The following SUGP2 variants were observed in gnomAD, a reference collection of about 807,000 sequenced individuals.
SUGP2 encodes SURP and G-patch domain-containing protein 2.
Under a neutral mutation model 90.5 loss-of-function variants are expected in SUGP2, and 24 were observed. That is an observed-to-expected ratio of 0.27 (90% CI 0.19 to 0.37). The LOEUF is 0.37. SUGP2 is among the 10% of genes least tolerant of loss of function. The pLI is 1.00. For missense variants in SUGP2, 1,233 were observed against 1,363.3 expected, an observed-to-expected ratio of 0.90 and a Z score of 1.51; for synonymous variants, 473 against 513.4, an observed-to-expected ratio of 0.92 and a Z score of 1.06.
In SUGP2 at chr19:18,991,396, G is replaced by A. The variant is rs2057355080; in HGVS notation, c.*2345C>T. The A allele has an allele frequency of 6.6e-6, 1 of 152,274 alleles. No individual in the cohort carries two copies. The highest frequency in any genetic ancestry group is 6.5e-5 in the Admixed American group (1 of 15,282). The allele number at this position is 152,274 out of a possible 1,614,324, so 9.4% of individuals were successfully genotyped here. A position where few individuals can be genotyped will look rare whatever the true frequency, so the allele number is the denominator to read the frequency against. On this transcript the variant is annotated 3_prime_UTR_variant, in exon 11 of 11. Transcript: ENST00000452918. ...CCCCAGCGCTGAATCCACAGGAGAG[G>A]TGTCCTCTGAGAGTGTAGGGGGCTT...
intron 4 of SUGP2, among the ~76,000 whole-genome samples, chr19:19,013,573 C>T (rs888523916): frequency 2.0e-5 from 3 of 152,258 alleles, no homozygotes; most frequent in African/African-American, 7.2e-5. Context: ...TGCACACCTA[C>T]CTCCCTCCTT....
In SUGP2 at chr19:19,024,702, G is replaced by C; in HGVS notation, c.1646C>G (p.Pro549Arg). Reference sequence around the variant, plus strand: ...TTTCTCCTCCTCTCGCATCGGCTCTGGTTCGGCTTTCTTAACCTGGAGGGG... The same window carrying C: ...TTTCTCCTCCTCTCGCATCGGCTCTCGTTCGGCTTTCTTAACCTGGAGGGG... ...GCPLQVKKAE[P>R]EPMREEEKMI... The change falls in exon 3 of 11, where the codon CCA becomes CGA. Residue 549 changes from proline to arginine, a missense_variant. Pro to Arg is a moderately radical substitution (Grantham distance 103, BLOSUM62 -2). Around this residue, in one of 8 missense-constraint regions of SUGP2, gnomAD observed 540 missense variants for 542.6 expected, o/e 1.00. Coordinates refer to ENST00000452918, the MANE Select transcript of SUGP2 (RefSeq NM_001017392.5). The C allele has an allele frequency of 6.2e-7, 1 of 1,614,196 alleles. No homozygotes were observed. The highest frequency in any genetic ancestry group is 2.2e-5 in the East Asian group (1 of 44,882).
At chr19:19,012,548 C>T (rs1382960249) in intron 4 of SUGP2, among the ~76,000 whole-genome samples, 1 of 152,212 alleles carries the variant, frequency 6.6e-6, no homozygotes, top group Non-Finnish European at 1.5e-5. Context: ...CACTTATTAG[C>T]TGGGAACCTT....
Position 19,010,043 on chromosome 19 carries a change from G to T in SUGP2, c.2150C>A (p.Ala717Asp). 1 of 1,614,064 alleles carries T rather than the reference G, an allele frequency of 6.2e-7. No individual in the cohort carries two copies. ...TGGTTTTGCCTGTGAGAGGCCTGGA[G>T]CCTGCCGGCCGTGGTGTTTCAGCCT... Reference protein sequence around the residue: ...GTRLKHHGRQAPGLSQAKPSL... With the variant: ...GTRLKHHGRQDPGLSQAKPSL... Residue 717 changes from alanine to aspartate, a missense_variant, in exon 5 of 11, where the codon GCT becomes GAT. Physicochemically the swap from Ala to Asp is moderately radical, Grantham distance 126 (BLOSUM62 -2). Transcript: ENST00000452918.
rs200312727 is a variant in SUGP2, at chr19:19,010,191, G to T, written c.2002C>A (p.Arg668Ser). The part of the protein sequence containing the change: ...VRAMLYSRAV[R>S]NLKKKLLPWQ... ...GGAAGGAGTTTCTTCTTGAGGTTGC[G>T]GACAGCCCGGGAGTACAGCATGGCC... The change falls in exon 5 of 11, where the codon CGC (arginine) becomes AGC (serine). Residue 668 changes from arginine to serine, a missense_variant. Arg to Ser is a moderately radical substitution (Grantham distance 110, BLOSUM62 -1). Around this residue, in one of 8 missense-constraint regions of SUGP2, gnomAD observed 540 missense variants for 542.6 expected, o/e 1.00. Coordinates refer to ENST00000452918, the MANE Select transcript of SUGP2 (RefSeq NM_001017392.5). 6.2e-7 allele frequency: 1 copy of T among 1,613,902 alleles called. No homozygotes were observed.
chr19:19,026,239 ATCC>A lies in SUGP2; in HGVS notation c.122-16_122-14del. On this transcript the variant is annotated splice_polypyrimidine_tract_variant and intron_variant, in intron 2 of 10. Transcript: ENST00000452918. ...GCCCTTAAGAGATCTGAAATAAACC[ATCC>A]AAAAAAAAAAAAGAAGAAGCCAAAA... is the stretch of plus-strand genomic sequence containing the variant. 6.7e-7 allele frequency: 1 copy of A among 1,484,176 alleles called. No individual in the cohort carries two copies. Among genetic ancestry groups the A allele is most frequent in the Non-Finnish European group, 8.9e-7 (1 of 1,123,992 alleles). 91.9% of individuals were successfully genotyped at this position (1,484,176 alleles called of 1,614,324 possible). A position where few individuals can be genotyped will look rare whatever the true frequency, so the allele number is the denominator to read the frequency against.
chr19:18,995,762 G>A (rs190312377), intron 8 of SUGP2, among the ~76,000 whole-genome samples: 122 of 152,222 alleles, frequency 8.0e-4, no homozygotes, highest in African/African-American at 2.7e-3. Context: ...ACCCCTCCCC[G>A]AGTGCTTCAT....
At chr19:18,994,860 A>T (rs1356044063) in intron 9 of SUGP2, 1 of 561,516 alleles carries the variant, frequency 1.8e-6, no homozygotes, top group African/African-American at 1.9e-5. Flanking sequence ...TTCCAGACGG[A>T]AACTACACAG....
rs529857678 is a variant in SUGP2, at chr19:19,023,818, TAGG to T, written c.1729+798_1729+800del. On this transcript the variant is annotated intron_variant, in intron 3 of 10. Coordinates refer to ENST00000452918, the MANE Select transcript of SUGP2 (RefSeq NM_001017392.5). ...CTGAGGCGGAAGGATCACTTGAGCC[TAGG>T]AGGTCGGGGCTGCAGTGAGCCATGG... Among the ~76,000 whole-genome samples, 683 of 151,948 alleles carry T rather than the reference TAGG, an allele frequency of 4.5e-3. 7 individuals are homozygous for T. Among genetic ancestry groups the T allele is most frequent in the African/African-American group, 0.016 (658 of 41,440 alleles).
chr19:19,006,141 ACC>A (rs1401434681), intron 6 of SUGP2, among the ~76,000 whole-genome samples: 1 of 151,364 alleles, frequency 6.6e-6, no homozygotes, highest in African/African-American at 2.4e-5. Context: ...AATCGCTTGA[ACC>A]CGAGAGGCGG....
chr19:19,025,686 T>C lies in SUGP2; in HGVS notation c.662A>G (p.Gln221Arg), dbSNP rs764510960. 1.2e-6 allele frequency: 2 copies of C among 1,614,112 alleles called. No homozygotes were observed. Among genetic ancestry groups the C allele is most frequent in the South Asian group, 1.1e-5 (1 of 91,088 alleles). ...CCCCTTTCCTAGGAGGGAACCTTCC[T>C]GGTCAACGATGTTTAGAGCTCGACC... ...ARGRALNIVD[Q>R]EGSLLGKGET... Residue 221 changes from glutamine to arginine, a missense_variant, in exon 3 of 11, where the codon CAG (glutamine) becomes CGG (arginine). Physicochemically the swap from Gln to Arg is conservative, Grantham distance 43. Around this residue, in one of 8 missense-constraint regions of SUGP2, gnomAD observed 418 missense variants for 399.9 expected, o/e 1.05. Coordinates refer to ENST00000452918, the MANE Select transcript of SUGP2 (RefSeq NM_001017392.5).
intron 6 of SUGP2, among the ~76,000 whole-genome samples, chr19:19,007,722 C>G (rs932153646): frequency 1.1e-3 from 149 of 140,332 alleles, no homozygotes; most frequent in South Asian, 1.6e-3. Context: ...TCCCAAAGTG[C>G]GGGGATTACA....
intron 4 of SUGP2, 77 bp downstream of exon 4, chr19:19,019,032 C>A: frequency 6.6e-7 from 1 of 1,504,258 alleles, no homozygotes; most frequent in East Asian, 2.3e-5. Flanking sequence ...CCTCTGCTCT[C>A]AATACCATCA....
Position 19,009,959 on chromosome 19 carries a change from G to A in SUGP2, c.2234C>T (p.Ser745Phe). 2 of 1,614,206 alleles carry A rather than the reference G, an allele frequency of 1.2e-6. No individual in the cohort carries two copies. Among genetic ancestry groups the A allele is most frequent in the Non-Finnish European group, 1.7e-6 (2 of 1,180,030 alleles). ...GGCTTCTAAGCTGGGGTCCTGAGGA[G>A]AAGGTCCAACTGGGTCTGGCGGGCA... The part of the protein sequence containing the change: ...KDCPPDPVGP[S>F]PQDPSLEASG... Residue 745 changes from serine (S) to phenylalanine (F), a missense_variant, in exon 5 of 11, where the codon TCT (serine) becomes TTT (phenylalanine). Physicochemically the swap from Ser to Phe is radical, Grantham distance 155 (BLOSUM62 -2). This residue lies in a region of SUGP2 where 540 missense variants were observed against 542.6 expected (regional missense o/e 1.00). Transcript: ENST00000452918.
At chr19:19,022,439 A>G (rs908399316) in intron 3 of SUGP2, among the ~76,000 whole-genome samples, 4 of 152,206 alleles carry the variant, frequency 2.6e-5, no homozygotes, top group African/African-American at 9.6e-5. Flanking sequence ...AGAAACCTCT[A>G]GTAAAAGGCA....
intron 9 of SUGP2, 40 bp from the exon 10 acceptor site, chr19:18,994,526 C>T: frequency 1.2e-6 from 2 of 1,607,022 alleles, no homozygotes; most frequent in African/African-American, 1.3e-5. Context: ...CACCTGAGCC[C>T]AGGGCCTGGC....
intron 3 of SUGP2, among the ~76,000 whole-genome samples, chr19:19,021,389 C>T (rs1214409705): frequency 6.6e-6 from 1 of 152,012 alleles, no homozygotes; most frequent in Admixed American, 6.6e-5. Flanking sequence ...CAAGTATGTC[C>T]CCTATGAAAC....
chr19:19,027,488 G>T (rs2058980293), intron 2 of SUGP2, among the ~76,000 whole-genome samples: 1 of 152,228 alleles, frequency 6.6e-6, no homozygotes, highest in Non-Finnish European at 1.5e-5. Context: ...TTCCAAACTT[G>T]TCAGTTGAGA....
chr19:19,006,098 T>C (rs1191461903), intron 6 of SUGP2, among the ~76,000 whole-genome samples: 1 of 151,886 alleles, frequency 6.6e-6, no homozygotes, highest in Non-Finnish European at 1.5e-5. Flanking sequence ...GTGACACCTG[T>C]AATCCCAGCT....
Sources: gnomAD v4.1 joint callset for allele counts (sites outside exome capture counted in the v4.1 genomes callset) on GRCh38, gnomAD v4.1.1 for gene constraint, gnomAD v4.1.1 regional missense constraint, MANE v1.5 for transcripts, NCBI Gene and HGNC (gene_info 2026-07-23, HGNC 2026-07-21) for gene names.